The following SUCLG2 variants were observed in gnomAD, a reference collection of about 807,000 sequenced individuals.
SUCLG2 encodes succinate-CoA ligase GDP-forming subunit beta, also known as succinate--CoA ligase [GDP-forming] subunit beta, mitochondrial.
Under a neutral mutation model 47.9 loss-of-function variants are expected in SUCLG2, and 42 were observed. The ratio of observed to expected loss-of-function variants is 0.88; its 90% CI spans 0.69 to 1.14. The LOEUF (loss-of-function observed/expected upper bound fraction) is 1.14, where lower values mean the gene tolerates loss of function less well. Among genes scored for constraint, SUCLG2 ranks in the 50% most tolerant of loss-of-function variants. The probability of loss-of-function intolerance (pLI) is 0.00; values close to 1 mark genes in which losing one functional copy is unlikely to be tolerated. For synonymous variants in SUCLG2, 195 were observed against 197.3 expected (o/e 0.99, Z 0.10); for missense variants, 571 against 525.9 (o/e 1.09, Z -0.84).
At chr3:67,627,743 C>T (rs1283401699) in intron 1 of SUCLG2, among the ~76,000 whole-genome samples, 1 of 152,174 alleles carries the variant, frequency 6.6e-6, no homozygotes, top group Non-Finnish European at 1.5e-5. Context: ...CTCATCCTGG[C>T]AAAAGGAGCT....
chr3:67,645,949 T>C (rs1354559289), intron 1 of SUCLG2, among the ~76,000 whole-genome samples: 1 of 151,372 alleles, frequency 6.6e-6, no homozygotes, highest in Non-Finnish European at 1.5e-5. Flanking sequence ...CTTATAAAAA[T>C]GTGAAGAGAT....
intron 2 of SUCLG2, among the ~76,000 whole-genome samples, chr3:67,561,265 G>A (rs59446050): frequency 6.6e-6 from 1 of 151,672 alleles, no homozygotes; most frequent in Admixed American, 6.6e-5. Flanking sequence ...TTGTAGTAAA[G>A]GGTTAATGAA....
intron 2 of SUCLG2, among the ~76,000 whole-genome samples, chr3:67,600,168 T>A (rs180873428): frequency 6.6e-6 from 1 of 152,244 alleles, no homozygotes; most frequent in African/African-American, 2.4e-5. Context: ...CACAAGTCAT[T>A]ATATATTCAT....
rs781287485 is a variant in SUCLG2, at chr3:67,529,134, T to C, written c.279A>G (p.Lys93=). The C allele has an allele frequency of 9.9e-6, 16 of 1,612,948 alleles. No individual in the cohort carries two copies. The highest frequency in any genetic ancestry group is 1.4e-5 in the Non-Finnish European group (16 of 1,179,536). Residue 93 remains lysine, a synonymous_variant, in exon 3 of 11, where the codon AAA becomes AAG. Coordinates refer to ENST00000307227, the MANE Select transcript of SUCLG2 (RefSeq NM_003848.4). ...KAQILAGGRG[K]GVFNSGLKGG... is the part of the protein sequence containing the mutation. ...CTTTCAAACCACTATTGAAGACACC[T>C]TTTCCTCTTCCTCCAGCTAAGATCT...
chr3:67,643,260 G>C (rs771246499), intron 1 of SUCLG2, among the ~76,000 whole-genome samples: 1 of 152,080 alleles, frequency 6.6e-6, no homozygotes, highest in Non-Finnish European at 1.5e-5. Flanking sequence ...CAACGACTAC[G>C]ACCGCCATCA....
At chr3:67,361,263 C>G (rs1444471550) in intron 10 of SUCLG2, among the ~76,000 whole-genome samples, 2 of 152,084 alleles carry the variant, frequency 1.3e-5, no homozygotes, top group African/African-American at 4.8e-5. Context: ...TCTCCACCAT[C>G]TATTGTGATG....
Position 67,520,439 on chromosome 3 carries a change from A to G in SUCLG2, c.570+43T>C, listed in dbSNP as rs754904011. The G allele has an allele frequency of 6.8e-6, 11 of 1,613,206 alleles. 1 individual carries two copies. Among genetic ancestry groups the G allele is most frequent in the African/African-American group, 1.3e-5 (1 of 74,906 alleles). ...CATTAAATATTTAACAGCTTCTACA[A>G]TAACAATCAATTAATAGCAGGTAGC... On this transcript the variant is annotated intron_variant, in intron 5 of 10. Transcript: ENST00000307227.
intron 9 of SUCLG2, among the ~76,000 whole-genome samples, chr3:67,410,573 T>C (rs1480510217): frequency 6.6e-6 from 1 of 152,136 alleles, no homozygotes; most frequent in Non-Finnish European, 1.5e-5. Flanking sequence ...CAAAAACCAT[T>C]TGGACATTTA....
chr3:67,548,287 A>G (rs1706919116), intron 2 of SUCLG2, among the ~76,000 whole-genome samples: 3 of 152,282 alleles, frequency 2.0e-5, no homozygotes, highest in Admixed American at 2.0e-4. Flanking sequence ...CCAATGTTCT[A>G]TTATTAAAAT....
intron 2 of SUCLG2, among the ~76,000 whole-genome samples, chr3:67,588,566 T>C (rs1708081839): frequency 6.6e-6 from 1 of 152,226 alleles, no homozygotes; most frequent in Non-Finnish European, 1.5e-5. Context: ...TACATTACTA[T>C]AAATTGCATG....
chr3:67,383,028 T>C (rs1439065027), intron 10 of SUCLG2, among the ~76,000 whole-genome samples: 1 of 152,252 alleles, frequency 6.6e-6, no homozygotes, highest in South Asian at 2.1e-4. Context: ...TGTTACTTTA[T>C]GTCAGAAACA....
At chr3:67,448,596 G>C (rs926583573) in intron 9 of SUCLG2, among the ~76,000 whole-genome samples, 3 of 152,142 alleles carry the variant, frequency 2.0e-5, no homozygotes, top group African/African-American at 7.2e-5. Flanking sequence ...TGTTGGCCAG[G>C]CTGGTCTCAA....
chr3:67,503,204 G>C (rs891158991), intron 7 of SUCLG2, among the ~76,000 whole-genome samples: 1 of 152,122 alleles, frequency 6.6e-6, no homozygotes, highest in Non-Finnish European at 1.5e-5. Context: ...TCCCTGCTAA[G>C]TCACAGTTCT....
intron 9 of SUCLG2, among the ~76,000 whole-genome samples, chr3:67,413,795 A>G (rs1467244444): frequency 2.0e-5 from 3 of 152,158 alleles, no homozygotes; most frequent in African/African-American, 7.2e-5. Flanking sequence ...GATATGCTAG[A>G]GCTTCCTTTT....
At chr3:67,525,858 G>T (rs1035170539) in intron 4 of SUCLG2, among the ~76,000 whole-genome samples, 7 of 152,190 alleles carry the variant, frequency 4.6e-5, no homozygotes, top group Non-Finnish European at 1.0e-4. Context: ...GTTATATAGT[G>T]TAACAGATAA....
intron 9 of SUCLG2, among the ~76,000 whole-genome samples, chr3:67,478,813 G>A (rs1194821820): frequency 6.6e-6 from 1 of 152,166 alleles, no homozygotes; most frequent in Admixed American, 6.5e-5. Context: ...CCCTCATCGG[G>A]TCAGCGTCTC....
At chr3:67,418,986 T>TA (rs757240473) in intron 9 of SUCLG2, among the ~76,000 whole-genome samples, 392 of 145,332 alleles carry the variant, frequency 2.7e-3, no homozygotes, top group African/African-American at 5.9e-3. Context: ...GTCATGGATT[T>TA]AAAAAAAAAA....
intron 7 of SUCLG2, 24 bp from the exon 8 acceptor site, chr3:67,498,319 T>C: frequency 1.9e-6 from 3 of 1,609,914 alleles, no homozygotes; most frequent in Middle Eastern, 1.7e-4. Context: ...AAAACAATCA[T>C]ACTTGAATAT....
rs564083995 is a variant in SUCLG2 at position 67,508,713 on chromosome 3, G to T, written c.757+94C>A. Reference sequence around the variant, plus strand: ...AATTAAATTACTGAAAGAAATTTATGCAAAGCTGCTGCTACAGTCTTTTGT... The same window carrying T: ...AATTAAATTACTGAAAGAAATTTATTCAAAGCTGCTGCTACAGTCTTTTGT... On this transcript the variant is annotated intron_variant, in intron 7 of 10. Transcript: ENST00000307227. The T allele has an allele frequency of 1.2e-4, 108 of 921,146 alleles. No individual in the cohort carries two copies. The African/African-American group carries it at 1.7e-3, about 15-fold the overall frequency. The allele number at this position is 921,146 out of a possible 1,614,324, so 57.1% of individuals were successfully genotyped here.
Sources: gnomAD v4.1 joint callset for allele counts (sites outside exome capture counted in the v4.1 genomes callset) on GRCh38, gnomAD v4.1.1 for gene constraint, MANE v1.5 for transcripts, NCBI Gene and HGNC (gene_info 2026-07-23, HGNC 2026-07-21) for gene names.